FGF13: variants seen among roughly 807,000 people sequenced by gnomAD.
FGF13 encodes the protein fibroblast growth factor 13.
A neutral mutation model predicts 19.5 loss-of-function variants in FGF13; 2 were observed. The ratio of observed to expected loss-of-function variants is 0.10; its 90% CI spans 0.04 to 0.32. FGF13 has a LOEUF of 0.32. Among genes scored for constraint, FGF13 ranks in the 10% least tolerant of loss-of-function variants. The pLI, the probability that FGF13 is intolerant of heterozygous loss-of-function variation, is 1.00. For synonymous variants in FGF13, 72 were observed against 76.9 expected, an observed-to-expected ratio of 0.94 and a Z score of 0.33; for missense variants, 113 against 192.7, an observed-to-expected ratio of 0.59 and a Z score of 2.45.
chrX:138,887,065 G>T (rs1398934350), intron 1 of FGF13, among the ~76,000 whole-genome samples: 1 of 111,471 alleles, frequency 9.0e-6, no homozygotes, highest in African/African-American at 3.3e-5. Flanking sequence ...ATGGGTTGTG[G>T]CATCAGATTG....
chrX:138,763,358 A>T (rs1277136405), intron 3 of FGF13, among the ~76,000 whole-genome samples: 1 of 111,183 alleles, frequency 9.0e-6, no homozygotes, highest in Non-Finnish European at 1.9e-5. Flanking sequence ...CTACAAGTCC[A>T]GCTGGGAAAT....
intron 3 of FGF13, among the ~76,000 whole-genome samples, chrX:138,750,081 C>A (rs2090386553): frequency 9.0e-6 from 1 of 111,305 alleles, no homozygotes; most frequent in Non-Finnish European, 1.9e-5. Flanking sequence ...GAACACAGGG[C>A]CACTGTGGAT....
intron 1 of FGF13, among the ~76,000 whole-genome samples, chrX:139,100,009 G>A (rs1290887624): frequency 9.7e-6 from 1 of 103,538 alleles, no homozygotes; most frequent in Non-Finnish European, 2.0e-5. Flanking sequence ...CAATGGCCAT[G>A]TGGGTCATCC....
chrX:138,930,024 G>A (rs945322070), intron 1 of FGF13, among the ~76,000 whole-genome samples: 7 of 111,388 alleles, frequency 6.3e-5, no homozygotes, highest in African/African-American at 1.3e-4. Flanking sequence ...CCTAAAAAGC[G>A]CAGCATGCAT....
intron 1 of FGF13, among the ~76,000 whole-genome samples, chrX:138,929,824 A>C: frequency 9.7e-6 from 1 of 103,185 alleles, no homozygotes; most frequent in Non-Finnish European, 2.0e-5. Context: ...CACAGCATTC[A>C]CCCTGGTCCA....
At chrX:139,148,807 A>C (rs992488226) in intron 1 of FGF13, among the ~76,000 whole-genome samples, 7 of 110,880 alleles carry the variant, frequency 6.3e-5, no homozygotes, top group Non-Finnish European at 1.3e-4. Flanking sequence ...TTTTGCTGTA[A>C]GTGCATAACA....
At chrX:139,117,793 A>C (rs999451813) in intron 1 of FGF13, among the ~76,000 whole-genome samples, 1 of 111,895 alleles carries the variant, frequency 8.9e-6, no homozygotes, top group Non-Finnish European at 1.9e-5. Flanking sequence ...CCTGTTGCTC[A>C]GGACTCATAC....
At chrX:139,120,473 G>A (rs1016500737) in intron 1 of FGF13, among the ~76,000 whole-genome samples, 3 of 111,220 alleles carry the variant, frequency 2.7e-5, no homozygotes, top group Non-Finnish European at 5.7e-5. Context: ...TAACTTGCCC[G>A]AGGTCCCAAA....
At chrX:139,125,212 G>A (rs1395052001) in intron 1 of FGF13, among the ~76,000 whole-genome samples, 4 of 111,386 alleles carry the variant, frequency 3.6e-5, no homozygotes, top group African/African-American at 9.8e-5. Context: ...GTATTTTTAA[G>A]TCTCCTTAGA....
At chrX:138,756,584 CAT>C (rs1306770763) in intron 3 of FGF13, among the ~76,000 whole-genome samples, 1 of 112,570 alleles carries the variant, frequency 8.9e-6, no homozygotes, top group Admixed American at 9.4e-5. Context: ...TTGCCAGTGC[CAT>C]ATGTTTCTAA....
rs1036429509 is a variant in FGF13 at position 139,038,611 on chromosome X, T to C, written c.-113+164805A>G. ...CTTTCCACTTCAGGATCTTTCTATATGCTGTTCCCTCTGGCTGAAATGTTC... is the reference window on the plus strand; with the variant it reads ...CTTTCCACTTCAGGATCTTTCTATACGCTGTTCCCTCTGGCTGAAATGTTC... On this transcript the variant is annotated intron_variant, in intron 1 of 2. Transcript: ENST00000421460. 2.7e-5 allele frequency among the ~76,000 whole-genome samples: 3 copies of C among 112,059 alleles called. No homozygotes were observed. The East Asian group carries it at 8.5e-4, about 32-fold the overall frequency.
At chrX:138,958,669 T>C (rs987697920) in intron 1 of FGF13, among the ~76,000 whole-genome samples, 3 of 111,887 alleles carry the variant, frequency 2.7e-5, no homozygotes, top group African/African-American at 9.8e-5. Context: ...TTTTAGTTGG[T>C]AGGCTATTAA....
At chrX:139,001,670 A>T (rs1222772021) in intron 1 of FGF13, among the ~76,000 whole-genome samples, 1 of 112,096 alleles carries the variant, frequency 8.9e-6, no homozygotes, top group East Asian at 2.8e-4. Flanking sequence ...AATGGTGATC[A>T]TCAAAAAGTC....
intron 1 of FGF13, among the ~76,000 whole-genome samples, chrX:139,012,550 T>C (rs1005008990): frequency 9.0e-6 from 1 of 111,344 alleles, no homozygotes; most frequent in Non-Finnish European, 1.9e-5. Context: ...CCCAAATACT[T>C]ACAGCCAACT....
chrX:139,012,293 C>T (rs1372030113), intron 1 of FGF13, among the ~76,000 whole-genome samples: 1 of 111,078 alleles, frequency 9.0e-6, no homozygotes, highest in Non-Finnish European at 1.9e-5. Flanking sequence ...AAATTTAATG[C>T]AATTCCCATT....
intron 1 of FGF13, among the ~76,000 whole-genome samples, chrX:139,084,757 C>A (rs2083393152): frequency 8.9e-6 from 1 of 112,304 alleles, no homozygotes. Context: ...AAATAAATAG[C>A]ACAAGCTATC....
intron 1 of FGF13, among the ~76,000 whole-genome samples, chrX:139,075,149 G>T (rs2092387921): frequency 8.9e-6 from 1 of 112,025 alleles, no homozygotes; most frequent in African/African-American, 3.2e-5. Context: ...GCTACAAAAT[G>T]ATCGTTAGTT....
At chrX:138,926,356 A>C (rs906094948) in intron 1 of FGF13, among the ~76,000 whole-genome samples, 1 of 112,655 alleles carries the variant, frequency 8.9e-6, no homozygotes, top group Non-Finnish European at 1.9e-5. Context: ...AGTGGGAGAA[A>C]ACAGACAGTA....
intron 3 of FGF13, among the ~76,000 whole-genome samples, chrX:138,780,593 T>G (rs1310716725): frequency 1.1e-5 from 1 of 91,923 alleles, no homozygotes; most frequent in African/African-American, 4.1e-5. Context: ...GGTAAAGGGA[T>G]CAATTCAACA....
Sources: gnomAD v4.1 joint callset for allele counts (sites outside exome capture counted in the v4.1 genomes callset) on GRCh38, gnomAD v4.1.1 for gene constraint, MANE v1.5 for transcripts, NCBI Gene and HGNC (gene_info 2026-07-23, HGNC 2026-07-21) for gene names.